Variants in DEPDC1B observed in about 807,000 individuals in gnomAD.
DEPDC1B encodes the protein DEP domain-containing protein 1B.
DEPDC1B carries 51 observed loss-of-function variants against 66.5 expected under a neutral mutation model. That is an observed-to-expected ratio of 0.77 (90% CI 0.61 to 0.97). The LOEUF (loss-of-function observed/expected upper bound fraction) is 0.97. Ranked by LOEUF, DEPDC1B falls within the 50% of genes least tolerant of loss-of-function variation. The pLI, the probability that DEPDC1B is intolerant of heterozygous loss-of-function variation, is 0.00. For synonymous variants in DEPDC1B, 226 were observed against 223.6 expected (o/e 1.01, Z -0.10); for missense variants, 552 against 637.1 (o/e 0.87, Z 1.44).
chr5:60,660,618 A>T (rs888357333), intron 2 of DEPDC1B, among the ~76,000 whole-genome samples: 2 of 152,228 alleles, frequency 1.3e-5, no homozygotes, highest in African/African-American at 4.8e-5. Context: ...AAGTAAAAAA[A>T]TAACTTTTAG....
At chr5:60,662,215 C>T (rs1338392488) in intron 2 of DEPDC1B, among the ~76,000 whole-genome samples, 3 of 151,972 alleles carry the variant, frequency 2.0e-5, no homozygotes, top group African/African-American at 2.4e-5. Context: ...AGTGAAACCC[C>T]GTCTCTACTA....
At chr5:60,599,011 T>C in intron 10 of DEPDC1B, 64 bp downstream of exon 10, 4 of 1,156,998 alleles carry the variant, frequency 3.5e-6, no homozygotes, top group African/African-American at 1.6e-5. Flanking sequence ...CCTATTAAAA[T>C]AAAAAAAAAA....
At chr5:60,697,735 T>C (rs1754689101) in intron 1 of DEPDC1B, among the ~76,000 whole-genome samples, 1 of 152,250 alleles carries the variant, frequency 6.6e-6, no homozygotes, top group African/African-American at 2.4e-5. Flanking sequence ...AGAACTGAAT[T>C]GATTACCTGG....
At chr5:60,634,910 T>C (rs1313874530) in intron 7 of DEPDC1B, among the ~76,000 whole-genome samples, 4 of 151,636 alleles carry the variant, frequency 2.6e-5, no homozygotes, top group African/African-American at 9.7e-5. Flanking sequence ...CAATACAAAA[T>C]TAGCTGGGCA....
At chr5:60,634,521 A>T (rs1334919114) in intron 7 of DEPDC1B, among the ~76,000 whole-genome samples, 2 of 151,884 alleles carry the variant, frequency 1.3e-5, no homozygotes, top group Non-Finnish European at 2.9e-5. Flanking sequence ...AAATACAAAA[A>T]ATTAGCTGGG....
intron 7 of DEPDC1B, among the ~76,000 whole-genome samples, chr5:60,626,615 TAATA>T (rs1176872740): frequency 2.6e-5 from 4 of 152,100 alleles, no homozygotes; most frequent in East Asian, 3.9e-4. Flanking sequence ...TACACTGCAA[TAATA>T]AATATATATG....
intron 7 of DEPDC1B, among the ~76,000 whole-genome samples, chr5:60,625,334 G>A (rs1752788584): frequency 6.6e-6 from 1 of 152,136 alleles, no homozygotes; most frequent in African/African-American, 2.4e-5. Context: ...CTTCCACAAT[G>A]GCTGAGCTAA....
At chr5:60,603,822 T>TATAC (rs1047454204) in intron 8 of DEPDC1B, among the ~76,000 whole-genome samples, 1 of 76,298 alleles carries the variant, frequency 1.3e-5, no homozygotes, top group African/African-American at 6.3e-5. Flanking sequence ...CGATTTTAAA[T>TATAC]ATACATATAT....
intron 9 of DEPDC1B, among the ~76,000 whole-genome samples, chr5:60,602,251 A>ATTC (rs1752216694): frequency 6.6e-6 from 1 of 152,152 alleles, no homozygotes; most frequent in Non-Finnish European, 1.5e-5. Flanking sequence ...AGACACAGAA[A>ATTC]AAAAAATCTG....
rs770720730 is a variant in DEPDC1B at position 60,686,999 on chromosome 5, C to T, written c.277G>A (p.Gly93Ser). 110 of 1,614,050 alleles carry T rather than the reference C, an allele frequency of 6.8e-5. No individual in the cohort carries two copies. Among genetic ancestry groups the T allele is most frequent in the Non-Finnish European group, 1.4e-5 (16 of 1,180,042 alleles). ...CGATTGTCTTCAAAATCTTCCTCAC[C>T]CCATTTTCCCTTGATGTCTTCAATA... is the stretch of plus-strand genomic sequence containing the variant. ...HVIEDIKGKWGEEDFEDNRHL... is the reference protein window; with the variant it reads ...HVIEDIKGKWSEEDFEDNRHL... Residue 93 changes from glycine (G) to serine (S), a missense_variant, in exon 2 of 11, where the codon GGT (glycine) becomes AGT (serine). By Grantham distance (56) the Gly-to-Ser change is moderately conservative (BLOSUM62 0). Coordinates refer to ENST00000265036, the MANE Select transcript of DEPDC1B (RefSeq NM_018369.3).
chr5:60,692,360 TG>T (rs1339711471), intron 1 of DEPDC1B, among the ~76,000 whole-genome samples: 2 of 152,330 alleles, frequency 1.3e-5, no homozygotes, highest in Non-Finnish European at 1.5e-5. Flanking sequence ...TTTGAGGTGA[TG>T]GATATGGTAA....
chr5:60,614,793 C>T (rs932543609), intron 7 of DEPDC1B, among the ~76,000 whole-genome samples: 3 of 152,048 alleles, frequency 2.0e-5, no homozygotes, highest in African/African-American at 7.2e-5. Context: ...GAGTTCGAGA[C>T]CAGCCTGGCC....
chr5:60,666,792 A>G (rs1201987987), intron 2 of DEPDC1B, among the ~76,000 whole-genome samples: 1 of 152,192 alleles, frequency 6.6e-6, no homozygotes, highest in East Asian at 1.9e-4. Context: ...TCACGCTACA[A>G]GAAGCACAAC....
At chr5:60,696,007 C>T (rs1754646001) in intron 1 of DEPDC1B, among the ~76,000 whole-genome samples, 1 of 152,196 alleles carries the variant, frequency 6.6e-6, no homozygotes, top group Non-Finnish European at 1.5e-5. Context: ...CCATGTTGGC[C>T]AGGATGGTCT....
chr5:60,609,683 C>T (rs1222448792), intron 7 of DEPDC1B, among the ~76,000 whole-genome samples: 3 of 152,130 alleles, frequency 2.0e-5, no homozygotes. Context: ...AGTTGAGCTA[C>T]ATAATGAATT....
intron 2 of DEPDC1B, among the ~76,000 whole-genome samples, chr5:60,671,594 T>TC (rs1754035757): frequency 6.6e-6 from 1 of 152,176 alleles, no homozygotes; most frequent in Admixed American, 6.5e-5. Flanking sequence ...CCCAATTCTT[T>TC]CCCCTCTGCT....
intron 2 of DEPDC1B, among the ~76,000 whole-genome samples, chr5:60,659,339 C>T (rs776555687): frequency 1.2e-4 from 18 of 152,148 alleles, no homozygotes; most frequent in African/African-American, 2.9e-4. Context: ...GGACCACTTT[C>T]GCTTGCTATT....
chr5:60,695,457 T>C (rs1754633166), intron 1 of DEPDC1B, among the ~76,000 whole-genome samples: 1 of 152,162 alleles, frequency 6.6e-6, no homozygotes, highest in Admixed American at 6.5e-5. Flanking sequence ...CTCATTGTCA[T>C]GAGGACAGCA....
intron 7 of DEPDC1B, among the ~76,000 whole-genome samples, chr5:60,609,429 A>T (rs542486951): frequency 6.6e-6 from 1 of 152,314 alleles, no homozygotes; most frequent in Non-Finnish European, 1.5e-5. Context: ...CCCCAAGATC[A>T]TCCTCCTGCT....
Sources: gnomAD v4.1 joint callset for allele counts (sites outside exome capture counted in the v4.1 genomes callset) on GRCh38, gnomAD v4.1.1 for gene constraint, MANE v1.5 for transcripts, NCBI Gene and HGNC (gene_info 2026-07-23, HGNC 2026-07-21) for gene names.